The following STXBP6 variants were observed in gnomAD, a reference collection of about 807,000 sequenced individuals.
STXBP6 encodes syntaxin-binding protein 6.
Under a neutral mutation model 26.9 loss-of-function variants are expected in STXBP6, and 21 were observed. The ratio of observed to expected loss-of-function variants is 0.78; its 90% CI spans 0.55 to 1.12. The LOEUF (loss-of-function observed/expected upper bound fraction) is 1.12, where lower values mean the gene tolerates loss of function less well. Among genes scored for constraint, STXBP6 ranks in the 50% most tolerant of loss-of-function variants. STXBP6 has a pLI of 0.00. For missense variants in STXBP6, 232 were observed against 257.9 expected (o/e 0.90, Z 0.69); for synonymous variants, 97 against 92.6 (o/e 1.05, Z -0.27).
intron 1 of STXBP6, among the ~76,000 whole-genome samples, chr14:25,006,638 C>G (rs1181861639): frequency 6.6e-6 from 1 of 152,142 alleles, no homozygotes; most frequent in African/African-American, 2.4e-5. Context: ...TTATCAAGAT[C>G]TATCCAAAAA....
intron 2 of STXBP6, among the ~76,000 whole-genome samples, chr14:24,869,488 G>C (rs952600844): frequency 6.6e-6 from 1 of 152,082 alleles, no homozygotes; most frequent in South Asian, 2.1e-4. Context: ...ATCCCTGGGG[G>C]GTCTTTCCAG....
At chr14:25,030,637 A>G (rs2075436179) in intron 1 of STXBP6, among the ~76,000 whole-genome samples, 1 of 152,200 alleles carries the variant, frequency 6.6e-6, no homozygotes, top group Non-Finnish European at 1.5e-5. Flanking sequence ...ACAGATCACC[A>G]GTTACATATA....
In STXBP6 at chr14:25,016,522, C is replaced by T. The variant is rs182577073; in HGVS notation, c.-33+33356G>A. ...ATCTATTTTCCAGTTTTACTAAATC[C>T]CTCATAGCTCTTTTCAAGTGTAAAG... On this transcript the variant is annotated intron_variant, in intron 1 of 5. Transcript: ENST00000323944. Among the ~76,000 whole-genome samples the T allele has an allele frequency of 1.6e-4, 24 of 152,196 alleles. No homozygotes were observed. The East Asian group carries it at 4.4e-3, about 28-fold the overall frequency.
chr14:24,990,659 CAAAA>C (rs1211659589), intron 1 of STXBP6, among the ~76,000 whole-genome samples: 3 of 57,332 alleles, frequency 5.2e-5, no homozygotes, highest in African/African-American at 1.9e-4. Flanking sequence ...AACTCCATCT[CAAAA>C]AAAAAAAAAA....
chr14:24,898,703 G>T (rs1039825074), intron 2 of STXBP6, among the ~76,000 whole-genome samples: 1 of 152,006 alleles, frequency 6.6e-6, no homozygotes, highest in Non-Finnish European at 1.5e-5. Flanking sequence ...AACAAAAAAA[G>T]AAATGGCAAG....
intron 2 of STXBP6, among the ~76,000 whole-genome samples, chr14:24,963,855 T>C (rs541422745): frequency 4.6e-5 from 7 of 151,938 alleles, no homozygotes; most frequent in Non-Finnish European, 1.0e-4. Flanking sequence ...ATTTTCTTAT[T>C]GGTAATTGGT....
rs77888762 is a variant in STXBP6, at chr14:24,926,757, C to T, written c.154+47908G>A. On this transcript the variant is annotated intron_variant, in intron 2 of 5. Coordinates refer to ENST00000323944, the MANE Select transcript of STXBP6 (RefSeq NM_001394410.1). Reference sequence around the variant, plus strand: ...CATATCCCAGCTCTACACCTAACTACGTGTGTGAACATGGGCACATTACCT... The same window carrying T: ...CATATCCCAGCTCTACACCTAACTATGTGTGTGAACATGGGCACATTACCT... Among the ~76,000 whole-genome samples, 321 of 152,292 alleles carry T rather than the reference C, an allele frequency of 2.1e-3. 1 individual carries two copies. The highest frequency in any genetic ancestry group is 0.02 in the Middle Eastern group (6 of 294).
At chr14:24,823,406 T>C (rs2068196549) in intron 4 of STXBP6, among the ~76,000 whole-genome samples, 1 of 152,174 alleles carries the variant, frequency 6.6e-6, no homozygotes, top group African/African-American at 2.4e-5. Flanking sequence ...ATAGTTCAAT[T>C]ATCTACATAA....
intron 1 of STXBP6, among the ~76,000 whole-genome samples, chr14:24,995,870 CTTACT>C (rs774246551): frequency 5.3e-5 from 8 of 152,136 alleles, no homozygotes; most frequent in Non-Finnish European, 1.0e-4. Flanking sequence ...TCCCAGTAAA[CTTACT>C]TTATTACTGT....
At chr14:25,033,435 C>T (rs576948072) in intron 1 of STXBP6, among the ~76,000 whole-genome samples, 114 of 152,330 alleles carry the variant, frequency 7.5e-4, no homozygotes, top group African/African-American at 2.7e-3. Context: ...TTGCAAAAAA[C>T]ATGAATCTTG....
rs78817725 is a variant in STXBP6, at chr14:25,012,409, C to T, written c.-33+37469G>A. On this transcript the variant is annotated intron_variant, in intron 1 of 5. Coordinates refer to ENST00000323944, the MANE Select transcript of STXBP6 (RefSeq NM_001394410.1). ...TTTGGGAGGCCGAGGTGGGGGTACT[C>T]GAGGCCAGGAGTTTGAGACCAGCCT... Among the ~76,000 whole-genome samples the T allele has an allele frequency of 4.3e-3, 650 of 151,742 alleles. 14 individuals carry two copies. The highest frequency in any genetic ancestry group is 0.042 in the East Asian group (218 of 5,136).
intron 4 of STXBP6, among the ~76,000 whole-genome samples, chr14:24,841,190 G>A (rs2068773887): frequency 6.6e-6 from 1 of 152,030 alleles, no homozygotes; most frequent in East Asian, 1.9e-4. Flanking sequence ...ATATATCTTT[G>A]TATTTCTCTT....
chr14:24,902,650 CTCTT>C (rs35287597), intron 2 of STXBP6, among the ~76,000 whole-genome samples: 25,664 of 152,034 alleles, frequency 0.17, 2,291 homozygotes, highest in South Asian at 0.28. Context: ...AACTATTTGT[CTCTT>C]TCTTTCCATT....
At chr14:24,856,199 C>T (rs2069327794) in intron 3 of STXBP6, 98 bp from the exon 4 acceptor site, 1 of 1,217,290 alleles carries the variant, frequency 8.2e-7, no homozygotes, top group Middle Eastern at 2.0e-4. Context: ...AAAACAAAGA[C>T]TTTGATCGCA....
intron 4 of STXBP6, among the ~76,000 whole-genome samples, chr14:24,828,031 CT>C (rs34177461): frequency 0.076 from 10,967 of 145,116 alleles, 475 homozygotes; most frequent in East Asian, 0.19. Flanking sequence ...AGCAGTAGCA[CT>C]TTTTTTTTTT....
chr14:25,023,137 G>T (rs567177009), intron 1 of STXBP6, among the ~76,000 whole-genome samples: 112 of 152,216 alleles, frequency 7.4e-4, no homozygotes, highest in African/African-American at 2.6e-3. Context: ...AACAAGCGGG[G>T]ATCATTAAGA....
At position 24,885,337 on chromosome 14, in the gene STXBP6, A is replaced by G. The variant is rs188034727; in HGVS notation, c.155-28180T>C. ...GCTGTGATGAGCCCCTCCATCTCCA[A>G]AATAAGTGTTCTAAGAAGAAGGTCT... On this transcript the variant is annotated intron_variant, in intron 2 of 5. Transcript: ENST00000323944. Among the ~76,000 whole-genome samples, 108 of 152,294 alleles carry G rather than the reference A, an allele frequency of 7.1e-4. 2 individuals carry two copies. The East Asian group carries it at 0.019, about 26-fold the overall frequency.
At chr14:24,871,500 AGGTCTTGC>A (rs2069934856) in intron 2 of STXBP6, among the ~76,000 whole-genome samples, 2 of 152,234 alleles carry the variant, frequency 1.3e-5, no homozygotes, top group African/African-American at 4.8e-5. Context: ...TATGTGCTGT[AGGTCTTGC>A]TTCATCAAGC....
intron 1 of STXBP6, among the ~76,000 whole-genome samples, chr14:25,027,869 A>G (rs2075376633): frequency 6.6e-6 from 1 of 152,238 alleles, no homozygotes; most frequent in African/African-American, 2.4e-5. Flanking sequence ...AGAAAATGTG[A>G]CCAGTCTGGA....
Sources: allele counts gnomAD v4.1 joint callset (sites outside exome capture counted in the v4.1 genomes callset), GRCh38; gene constraint gnomAD v4.1.1; transcripts MANE v1.5; gene names NCBI Gene and HGNC (gene_info 2026-07-23, HGNC 2026-07-21).